ATRN: variants seen among roughly 807,000 people sequenced by gnomAD.
The protein encoded by ATRN is attractin, also known as attractin-2.
Under a neutral mutation model 178.7 loss-of-function variants are expected in ATRN, and 54 were observed. The ratio of observed to expected loss-of-function variants is 0.30; its 90% CI spans 0.24 to 0.38. ATRN has a LOEUF of 0.38. Ranked by LOEUF, ATRN falls within the 10% of genes least tolerant of loss-of-function variation. The pLI, the probability that ATRN is intolerant of heterozygous loss-of-function variation, is 1.00. For synonymous variants in ATRN, 636 were observed against 663.0 expected (o/e 0.96, Z 0.63); for missense variants, 1,443 against 1,815.1 (o/e 0.79, Z 3.73).
chr20:3,625,948 G>A (rs955124862), intron 25 of ATRN, among the ~76,000 whole-genome samples: 3 of 152,056 alleles, frequency 2.0e-5, no homozygotes, highest in African/African-American at 7.2e-5. Flanking sequence ...TTGAATTTCT[G>A]GGGGCAGGTG....
chr20:3,599,623 A>T (rs2086579940), intron 22 of ATRN, among the ~76,000 whole-genome samples: 1 of 152,248 alleles, frequency 6.6e-6, no homozygotes, highest in Non-Finnish European at 1.5e-5. Context: ...AAAATACAGT[A>T]TTTGCAAGAT....
At chr20:3,621,217 A>G (rs1026657005) in intron 24 of ATRN, among the ~76,000 whole-genome samples, 2 of 152,146 alleles carry the variant, frequency 1.3e-5, no homozygotes. Flanking sequence ...GGAGGCAGTG[A>G]TGTGCTGAGC....
intron 24 of ATRN, among the ~76,000 whole-genome samples, chr20:3,622,519 G>A (rs2086904450): frequency 6.6e-6 from 1 of 152,214 alleles, no homozygotes; most frequent in African/African-American, 2.4e-5. Context: ...ATTACCTCGT[G>A]TAATTTTTAA....
chr20:3,485,909 C>A (rs2084687580), intron 1 of ATRN, among the ~76,000 whole-genome samples: 1 of 152,032 alleles, frequency 6.6e-6, no homozygotes, highest in African/African-American at 2.4e-5. Flanking sequence ...CATAAGCCAC[C>A]CCGCCCAGCC....
chr20:3,530,890 C>T (rs1031239362), intron 1 of ATRN, among the ~76,000 whole-genome samples: 4 of 151,996 alleles, frequency 2.6e-5, no homozygotes, highest in Non-Finnish European at 4.4e-5. Flanking sequence ...CTCCTGTTCC[C>T]CTATTCTCCC....
intron 11 of ATRN, among the ~76,000 whole-genome samples, chr20:3,566,621 A>T (rs1461486390): frequency 6.6e-6 from 1 of 152,012 alleles, no homozygotes; most frequent in East Asian, 1.9e-4. Flanking sequence ...GAAAGATGAG[A>T]GGCCGGGCAC....
At chr20:3,560,589 C>G (rs1397949933) in intron 7 of ATRN, 73 bp from the exon 8 acceptor site, 9 of 1,280,248 alleles carry the variant, frequency 7.0e-6, no homozygotes, top group African/African-American at 1.5e-5. Context: ...TAATATTGAG[C>G]TTTTGTTCTT....
rs2086223979 is a variant in ATRN at position 3,577,135 on chromosome 20, G to A, written c.2353+138G>A. On this transcript the variant is annotated intron_variant, in intron 14 of 28. Coordinates refer to ENST00000262919, the MANE Select transcript of ATRN (RefSeq NM_139321.3). ...ATTCATCCCCCACACGAGTATTATG[G>A]GCTTTTTTGTTTTTAACTAAAATAC... 6.4e-6 allele frequency: 7 copies of A among 1,096,124 alleles called. No homozygotes were observed. The Admixed American group carries it at 1.2e-4, about 18-fold the overall frequency. 67.9% of individuals were successfully genotyped at this position (1,096,124 alleles called of 1,614,324 possible).
At chr20:3,624,744 C>CA (rs2086923603) in intron 25 of ATRN, among the ~76,000 whole-genome samples, 172 bp downstream of exon 25, 1 of 152,170 alleles carries the variant, frequency 6.6e-6, no homozygotes, top group African/African-American at 2.4e-5. Flanking sequence ...AATATAAACT[C>CA]AATCTAGCAT....
chr20:3,471,589 C>G (rs2084424050), intron 1 of ATRN, 72 bp downstream of exon 1: 1 of 1,356,754 alleles, frequency 7.4e-7, no homozygotes, highest in Admixed American at 4.1e-5. Context: ...GAGACGGCTC[C>G]AGGTCAGAGG....
At chr20:3,597,159 T>C (rs1413558576) in intron 21 of ATRN, among the ~76,000 whole-genome samples, 1 of 150,362 alleles carries the variant, frequency 6.7e-6, no homozygotes, top group Non-Finnish European at 1.5e-5. Context: ...GCATAATTCA[T>C]AAATAAAAAG....
rs760091652 is a variant in ATRN, at chr20:3,575,938, CAGA to C, written c.2207_2209del (p.Glu736del). On this transcript the variant is annotated inframe_deletion, in exon 13 of 29. Transcript: ENST00000262919. Reference sequence around the variant, plus strand: ...TGTGTCCCCAGGAACCACAGCTGCTCAGAAGGCCAGGTCAGAGGCTGTTTCTTA... The same window carrying C: ...TGTGTCCCCAGGAACCACAGCTGCTCAGGCCAGGTCAGAGGCTGTTTCTTA... 8 of 1,613,542 alleles carry C rather than the reference CAGA, an allele frequency of 5.0e-6. No homozygotes were observed. The highest frequency in any genetic ancestry group is 5.1e-6 in the Non-Finnish European group (6 of 1,179,872).
chr20:3,503,248 C>G (rs1337370265), intron 1 of ATRN, among the ~76,000 whole-genome samples: 1 of 152,118 alleles, frequency 6.6e-6, no homozygotes, highest in Non-Finnish European at 1.5e-5. Context: ...GGGTGGCTAA[C>G]TGTTAAAAGA....
chr20:3,627,938 C>T (rs2086956166), intron 25 of ATRN, among the ~76,000 whole-genome samples: 2 of 152,058 alleles, frequency 1.3e-5, no homozygotes, highest in East Asian at 3.9e-4. Flanking sequence ...TTTGGGAGGC[C>T]GAGGTGGGTG....
chr20:3,644,395 C>G, intron 28 of ATRN, 127 bp downstream of exon 28: 1 of 804,872 alleles, frequency 1.2e-6, no homozygotes, highest in Non-Finnish European at 2.0e-6. Flanking sequence ...CATGCCATGG[C>G]AAGGATTCAG....
chr20:3,596,924 T>G (rs776173187), intron 21 of ATRN, among the ~76,000 whole-genome samples: 84 of 152,172 alleles, frequency 5.5e-4, no homozygotes, highest in Admixed American at 1.5e-3. Context: ...AGAATCCACA[T>G]GGTAGACCAG....
intron 1 of ATRN, among the ~76,000 whole-genome samples, chr20:3,521,950 T>A (rs1224950609): frequency 6.9e-6 from 1 of 144,718 alleles, no homozygotes; most frequent in Admixed American, 6.8e-5. Context: ...TTCAGCTAAT[T>A]TTTTTTTTTT....
chr20:3,644,306 C>T, intron 28 of ATRN, 38 bp downstream of exon 28: 1 of 1,510,862 alleles, frequency 6.6e-7, no homozygotes, highest in South Asian at 1.1e-5. Flanking sequence ...ACCTTCTAAG[C>T]ATGTGAGGGA....
chr20:3,637,467 GT>G (rs903029514), intron 26 of ATRN, among the ~76,000 whole-genome samples: 1 of 152,126 alleles, frequency 6.6e-6, no homozygotes, highest in Non-Finnish European at 1.5e-5. Context: ...ATGTAAGAAT[GT>G]TGGTATTTTA....
Sources: allele counts gnomAD v4.1 joint callset (sites outside exome capture counted in the v4.1 genomes callset), GRCh38; gene constraint gnomAD v4.1.1; transcripts MANE v1.5; gene names NCBI Gene and HGNC (gene_info 2026-07-23, HGNC 2026-07-21).